Variants in MROH7 observed in about 807,000 individuals in gnomAD.
MROH7 encodes maestro heat-like repeat-containing protein family member 7.
A neutral mutation model predicts 129.2 loss-of-function variants in MROH7; 113 were observed. The ratio of observed to expected loss-of-function variants is 0.87; its 90% CI spans 0.75 to 1.02. The LOEUF (loss-of-function observed/expected upper bound fraction) is 1.02. MROH7 is among the 50% of genes least tolerant of loss of function. The pLI is 0.00. For synonymous variants in MROH7, 655 were observed against 667.9 expected (o/e 0.98, Z 0.30); for missense variants, 1,601 against 1,671.3 (o/e 0.96, Z 0.73).
chr1:54,652,748 G>A (rs1176477473), intron 2 of MROH7, 105 bp from the exon 3 acceptor site: 1 of 771,938 alleles, frequency 1.3e-6, no homozygotes, highest in Admixed American at 3.1e-5. Flanking sequence ...AGTCACCAGG[G>A]CCTTGTAAGT....
chr1:54,684,391 G>GTTC (rs2101144285), intron 14 of MROH7, among the ~76,000 whole-genome samples: 1 of 152,112 alleles, frequency 6.6e-6, no homozygotes, highest in Admixed American at 6.5e-5. Context: ...CCAGCACTGA[G>GTTC]TTCTGTGCCT....
In MROH7 at chr1:54,690,695, G is replaced by A. The variant is rs566912612; in HGVS notation, c.2712-1729G>A. ...CCTGACCTCGTGATCCACCCTCCTC[G>A]GCCACCCAAAGTGCTGGGATTACAG... On this transcript the variant is annotated intron_variant, in intron 15 of 23. Coordinates refer to ENST00000421030, the MANE Select transcript of MROH7 (RefSeq NM_001039464.4). Among the ~76,000 whole-genome samples the A allele has an allele frequency of 5.9e-5, 9 of 152,190 alleles. No individual in the cohort carries two copies. In the East Asian group the frequency reaches 9.7e-4, roughly 16 times the overall value.
chr1:54,668,647 G>C (rs923446217), intron 4 of MROH7, among the ~76,000 whole-genome samples: 2 of 152,090 alleles, frequency 1.3e-5, no homozygotes, highest in African/African-American at 4.8e-5. Flanking sequence ...CCAAATGCTG[G>C]CATTCAGGAT....
intron 3 of MROH7, among the ~76,000 whole-genome samples, chr1:54,661,170 T>A (rs575754118): frequency 3.2e-4 from 49 of 152,262 alleles, no homozygotes; most frequent in African/African-American, 1.2e-3. Context: ...TTTCTCCAAG[T>A]CTGTGGCTTG....
intron 3 of MROH7, among the ~76,000 whole-genome samples, chr1:54,664,672 A>G (rs1186700414): frequency 6.6e-6 from 1 of 152,204 alleles, no homozygotes; most frequent in African/African-American, 2.4e-5. Context: ...ATGCAGTGTC[A>G]CTGAAGGATT....
chr1:54,673,661 A>G (rs1447505709), intron 8 of MROH7, 40 bp from the exon 9 acceptor site: 1 of 1,508,750 alleles, frequency 6.6e-7, no homozygotes, highest in South Asian at 1.1e-5. Context: ...AGGGGCTGTC[A>G]TCTAACCTGT....
Position 54,653,191 on chromosome 1 carries a change from A to T in MROH7, c.265A>T (p.Ile89Phe). 2 of 1,614,220 alleles carry T rather than the reference A, an allele frequency of 1.2e-6. No homozygotes were observed. The highest frequency in any genetic ancestry group is 3.3e-5 in the Admixed American group (2 of 60,018). The change falls in exon 3 of 24, where the codon ATC (isoleucine) becomes TTC (phenylalanine). Residue 89 changes from isoleucine (I) to phenylalanine (F), a missense_variant. Ile to Phe is a conservative substitution (Grantham distance 21). Transcript: ENST00000421030. The part of the protein sequence containing the change: ...NTPRPDDSRA[I>F]APASLQITSS... ...CCCCAGACCTGATGACAGCAGAGCT[A>T]TCGCTCCAGCCTCCCTCCAGATCAC...
Position 54,686,461 on chromosome 1 carries a change from C to G in MROH7, c.2711+13C>G, listed in dbSNP as rs763933029. 1 of 1,612,286 alleles carries G rather than the reference C, an allele frequency of 6.2e-7. No homozygotes were observed. Among genetic ancestry groups the G allele is most frequent in the East Asian group, 2.2e-5 (1 of 44,868 alleles). On this transcript the variant is annotated intron_variant, in intron 15 of 23. Transcript: ENST00000421030. Reference sequence around the variant, plus strand: ...TCGTACCTGTGCGGTATGCTCTGCCCTCTCTCTTGACCCTGCTGTCCCCGG... The same window carrying G: ...TCGTACCTGTGCGGTATGCTCTGCCGTCTCTCTTGACCCTGCTGTCCCCGG...
Position 54,653,864 on chromosome 1 carries a change from G to A in MROH7, c.938G>A (p.Ser313Asn). The A allele has an allele frequency of 1.2e-6, 2 of 1,613,990 alleles. No homozygotes were observed. The highest frequency in any genetic ancestry group is 8.5e-7 in the Non-Finnish European group (1 of 1,179,940). ...GSSYGISLHSSTHEPNSTISP... is the reference protein window; with the variant it reads ...GSSYGISLHSNTHEPNSTISP... Reference sequence around the variant, plus strand: ...AGCTATGGTATCAGCCTGCACTCCAGCACCCATGAGCCCAACTCCACCATC... The same window carrying A: ...AGCTATGGTATCAGCCTGCACTCCAACACCCATGAGCCCAACTCCACCATC... Residue 313 changes from serine to asparagine, a missense_variant, in exon 3 of 24, where the codon AGC (serine) becomes AAC (asparagine). Transcript: ENST00000421030.
At chr1:54,654,270 CAT>C (rs1289230066) in intron 3 of MROH7, 113 bp downstream of exon 3, 41 of 1,076,528 alleles carry the variant, frequency 3.8e-5, no homozygotes, top group Non-Finnish European at 5.2e-5. Context: ...CAGTTGATAA[CAT>C]ATGATTTATT....
At chr1:54,685,809 G>T (rs1026430940) in intron 14 of MROH7, among the ~76,000 whole-genome samples, 2 of 152,112 alleles carry the variant, frequency 1.3e-5, no homozygotes, top group Non-Finnish European at 2.9e-5. Context: ...GTGTGCCTGT[G>T]TTGTGAATGA....
chr1:54,653,687 A>G lies in MROH7; in HGVS notation c.761A>G (p.Asn254Ser), dbSNP rs1324261088. The change falls in exon 3 of 24, where the codon AAT becomes AGT. Residue 254 changes from asparagine to serine, a missense_variant. Asn to Ser is a conservative substitution (Grantham distance 46). Transcript: ENST00000421030. ...TNETITLASHNISESVSKGAF... is the reference protein window; with the variant it reads ...TNETITLASHSISESVSKGAF... ...GAGACCATCACTTTGGCTTCACATA[A>G]TATCTCTGAGTCTGTTTCAAAAGGA... 2.1e-5 allele frequency: 34 copies of G among 1,614,106 alleles called. No individual in the cohort carries two copies. The highest frequency in any genetic ancestry group is 2.8e-5 in the Non-Finnish European group (33 of 1,180,000).
chr1:54,671,959 G>A (rs749938937), intron 7 of MROH7, among the ~76,000 whole-genome samples: 2 of 152,086 alleles, frequency 1.3e-5, no homozygotes, highest in African/African-American at 4.8e-5. Context: ...TGGGGGTCAG[G>A]GGTTGTGATT....
intron 10 of MROH7, among the ~76,000 whole-genome samples, chr1:54,677,515 A>G (rs530568354): frequency 6.1e-4 from 93 of 152,362 alleles, no homozygotes; most frequent in African/African-American, 2.1e-3. Flanking sequence ...TTTAATCTCA[A>G]TGAGTGAAGT....
intron 23 of MROH7, 84 bp downstream of exon 23, chr1:54,709,160 G>A (rs1645583559): frequency 2.3e-6 from 3 of 1,320,786 alleles, no homozygotes; most frequent in South Asian, 2.4e-5. Flanking sequence ...GAAAGGGAAG[G>A]GATGTGTCCC....
rs140173222 is a variant in MROH7, at chr1:54,679,430, G to T, written c.2217G>T (p.Ala739=). The change falls in exon 12 of 24, where the codon GCG becomes GCT. Residue 739 remains alanine, a synonymous_variant. Coordinates refer to ENST00000421030, the MANE Select transcript of MROH7 (RefSeq NM_001039464.4). ...TGCTGGAGTGGTACCGCCACAGGGC[G>T]CTGGAGGTGGTAAGGCCTCCTGGGG... ...SSVLEWYRHR[A]LEVIPEIMQG... The T allele has an allele frequency of 2.9e-5, 46 of 1,612,690 alleles. No homozygotes were observed. The South Asian group carries it at 4.5e-4, about 16-fold the overall frequency.
chr1:54,667,267 T>C (rs946583021), intron 4 of MROH7, among the ~76,000 whole-genome samples: 1 of 152,126 alleles, frequency 6.6e-6, no homozygotes. Context: ...CTGTCATCAC[T>C]CTTACAGTTT....
At chr1:54,671,033 C>G in intron 7 of MROH7, 104 bp downstream of exon 7, 1 of 1,287,918 alleles carries the variant, frequency 7.8e-7, no homozygotes, top group Non-Finnish European at 1.0e-6. Flanking sequence ...TTGGGCAATT[C>G]AACTGACTTC....
chr1:54,660,421 T>G (rs1644713902), intron 3 of MROH7, among the ~76,000 whole-genome samples: 1 of 152,194 alleles, frequency 6.6e-6, no homozygotes, highest in Admixed American at 6.5e-5. Context: ...ACACAAATAT[T>G]CAAACCACAG....
Sources: allele counts gnomAD v4.1 joint callset (sites outside exome capture counted in the v4.1 genomes callset), GRCh38; gene constraint gnomAD v4.1.1; transcripts MANE v1.5; gene names NCBI Gene and HGNC (gene_info 2026-07-23, HGNC 2026-07-21).